The following KIRREL3 variants were observed in gnomAD, a reference collection of about 807,000 sequenced individuals.
KIRREL3 encodes the protein kin of IRRE-like protein 3.
A neutral mutation model predicts 89.7 loss-of-function variants in KIRREL3; 36 were observed. The ratio of observed to expected loss-of-function variants is 0.40; its 90% CI spans 0.31 to 0.53. KIRREL3 has a LOEUF of 0.53. Ranked by LOEUF, KIRREL3 falls within the 20% of genes least tolerant of loss-of-function variation. The pLI is 0.49. For synonymous variants in KIRREL3, 445 were observed against 441.4 expected, an observed-to-expected ratio of 1.01 and a Z score of -0.10; for missense variants, 864 against 1,056.6, an observed-to-expected ratio of 0.82 and a Z score of 2.53.
rs541484410 is a variant in KIRREL3 at position 126,814,073 on chromosome 11, C to G, written c.55+186382G>C. ...AACTTAAATTTACAAGAAAAAAAAA[C>G]CCGGTTAAAAAGTTGGCAAAGGACA... is the stretch of plus-strand genomic sequence containing the variant. On this transcript the variant is annotated intron_variant, in intron 1 of 16. Transcript: ENST00000525144. The surrounding 1 kb of genome is among the most constrained non-coding windows in gnomAD (Gnocchi z 4.4). 1.3e-4 allele frequency among the ~76,000 whole-genome samples: 20 copies of G among 151,546 alleles called. No homozygotes were observed. In the East Asian group the frequency reaches 3.7e-3, roughly 28 times the overall value.
chr11:126,434,382 G>A (rs1434242805), intron 13 of KIRREL3, among the ~76,000 whole-genome samples: 3 of 152,260 alleles, frequency 2.0e-5, no homozygotes, highest in Admixed American at 2.0e-4. Flanking sequence ...AGAAGGCAGC[G>A]GGAGGCTGGC....
In KIRREL3 at chr11:126,870,913, G is replaced by C. The variant is rs1309056591; in HGVS notation, c.55+129542C>G. On this transcript the variant is annotated intron_variant, in intron 1 of 16. Coordinates refer to ENST00000525144, the MANE Select transcript of KIRREL3 (RefSeq NM_032531.4). The surrounding 1 kb of genome is among the most constrained non-coding windows in gnomAD (Gnocchi z 4.4). ...ACAGAAATTTTCTGCCTACCTTACA[G>C]AAAGACTGGACCAAAACTGTTCTAC... Among the ~76,000 whole-genome samples, 1 of 152,048 alleles carries C rather than the reference G, an allele frequency of 6.6e-6. No homozygotes were observed. Among genetic ancestry groups the C allele is most frequent in the Non-Finnish European group, 1.5e-5 (1 of 68,016 alleles).
At chr11:126,714,174 G>T (rs1947868544) in intron 1 of KIRREL3, among the ~76,000 whole-genome samples, 1 of 152,156 alleles carries the variant, frequency 6.6e-6, no homozygotes, top group South Asian at 2.1e-4. Context: ...TTTGTACCTA[G>T]AGCACCTTAC....
At position 126,463,375 on chromosome 11, in the gene KIRREL3, G is replaced by C; in HGVS notation, c.592-68C>G. 6.7e-7 allele frequency: 1 copy of C among 1,498,854 alleles called. No homozygotes were observed. The highest frequency in any genetic ancestry group is 9.1e-7 in the Non-Finnish European group (1 of 1,097,946). 92.8% of individuals were successfully genotyped at this position (1,498,854 alleles called of 1,614,324 possible). On this transcript the variant is annotated intron_variant, in intron 5 of 16. Coordinates refer to ENST00000525144, the MANE Select transcript of KIRREL3 (RefSeq NM_032531.4). The surrounding 1 kb of genome is among the most constrained non-coding windows in gnomAD (Gnocchi z 5.9). Reference sequence around the variant, plus strand: ...GGCTGGGGTGGCCAGCCTGGGTTGGGGGTAAACGAGCACCAGCTTAGACAG... The same window carrying C: ...GGCTGGGGTGGCCAGCCTGGGTTGGCGGTAAACGAGCACCAGCTTAGACAG...
chr11:126,980,053 C>T (rs1006218255), intron 1 of KIRREL3, among the ~76,000 whole-genome samples: 2 of 152,078 alleles, frequency 1.3e-5, no homozygotes, highest in African/African-American at 2.4e-5. Flanking sequence ...CACATTATGT[C>T]GGCAGAGAAG....
chr11:126,703,972 C>T lies in KIRREL3; in HGVS notation c.56-141060G>A, dbSNP rs1489846770. The stretch of plus-strand genomic sequence containing the variant: ...AAGAAATGGAATTTCTGTCAGATTG[C>T]TTGAACTCACTCTCTGGAATCACTG... On this transcript the variant is annotated intron_variant, in intron 1 of 16. Coordinates refer to ENST00000525144, the MANE Select transcript of KIRREL3 (RefSeq NM_032531.4). The surrounding 1 kb of genome is among the most constrained non-coding windows in gnomAD (Gnocchi z 4.6). Among the ~76,000 whole-genome samples the T allele has an allele frequency of 6.6e-6, 1 of 152,168 alleles. No homozygotes were observed. The highest frequency in any genetic ancestry group is 1.5e-5 in the Non-Finnish European group (1 of 68,032).
intron 2 of KIRREL3, among the ~76,000 whole-genome samples, chr11:126,536,944 C>T (rs997541788): frequency 2.3e-4 from 35 of 152,138 alleles, no homozygotes; most frequent in Non-Finnish European, 4.3e-4. Context: ...TTGCACCCAA[C>T]CCCTGTGCAG....
In KIRREL3 at chr11:126,905,252, T is replaced by C. The variant is rs1376705129; in HGVS notation, c.55+95203A>G. Among the ~76,000 whole-genome samples the C allele has an allele frequency of 6.6e-6, 1 of 152,056 alleles. No individual in the cohort carries two copies. Among genetic ancestry groups the C allele is most frequent in the Non-Finnish European group, 1.5e-5 (1 of 68,022 alleles). On this transcript the variant is annotated intron_variant, in intron 1 of 16. Transcript: ENST00000525144. This position sits in a 1 kb window ranked among gnomAD's most constrained non-coding sequence, Gnocchi z 5.0. ...TCCATGGCAAGGGGAGGGTGGGTGA[T>C]ATTTTTTAGTGAAGGAGATGCTTCC...
chr11:126,700,604 C>A (rs1947275971), intron 1 of KIRREL3, among the ~76,000 whole-genome samples: 1 of 152,250 alleles, frequency 6.6e-6, no homozygotes, highest in African/African-American at 2.4e-5. Flanking sequence ...TTTGGCCGAT[C>A]CTCTGCCTCC....
At chr11:126,932,096 G>T (rs190404802) in intron 1 of KIRREL3, among the ~76,000 whole-genome samples, 4 of 152,244 alleles carry the variant, frequency 2.6e-5, no homozygotes, top group Non-Finnish European at 5.9e-5. Flanking sequence ...TGCATTCTTT[G>T]CCTCTGCCTG....
intron 1 of KIRREL3, among the ~76,000 whole-genome samples, chr11:126,966,391 T>C (rs1424408187): frequency 1.3e-5 from 2 of 152,166 alleles, no homozygotes; most frequent in Non-Finnish European, 2.9e-5. Context: ...CAAGCTGCTG[T>C]TCTGCAGAAA....
At position 126,484,918 on chromosome 11, in the gene KIRREL3, C is replaced by T. The variant is rs569643505; in HGVS notation, c.434-11452G>A. Among the ~76,000 whole-genome samples, 7 of 151,890 alleles carry T rather than the reference C, an allele frequency of 4.6e-5. 1 individual carries two copies. The South Asian group carries it at 6.2e-4, about 14-fold the overall frequency. On this transcript the variant is annotated intron_variant, in intron 4 of 16. Coordinates refer to ENST00000525144, the MANE Select transcript of KIRREL3 (RefSeq NM_032531.4). This position sits in a 1 kb window ranked among gnomAD's most constrained non-coding sequence, Gnocchi z 5.2. ...GCAGCCTCCGCCTCCCAGGTTCAAG[C>T]GATTCTCCTGCCTCAGCCTTTTAAA...
Position 126,678,387 on chromosome 11 carries a change from T to G in KIRREL3, c.56-115475A>C, listed in dbSNP as rs140790342. Among the ~76,000 whole-genome samples, 1,244 of 151,412 alleles carry G rather than the reference T, an allele frequency of 8.2e-3. 5 individuals carry two copies. Among genetic ancestry groups the G allele is most frequent in the Admixed American group, 0.013 (202 of 15,226 alleles). ...AGGCCGAGGCGGGCAGATCACGAGG[T>G]CAGGAGATTGAGACCACCCTGGCTA... On this transcript the variant is annotated intron_variant, in intron 1 of 16. Transcript: ENST00000525144.
At chr11:126,868,633 G>A (rs146418299) in intron 1 of KIRREL3, among the ~76,000 whole-genome samples, 296 of 152,188 alleles carry the variant, frequency 1.9e-3, no homozygotes, top group African/African-American at 6.3e-3. Flanking sequence ...CTATAAGCCC[G>A]GATTCTATCC....
chr11:126,450,998 T>C (rs111164552), intron 7 of KIRREL3, among the ~76,000 whole-genome samples: 8,561 of 150,164 alleles, frequency 0.057, 472 homozygotes, highest in Admixed American at 0.19. Flanking sequence ...TCAATGTGCA[T>C]GTGTGCACGT....
At chr11:126,464,996 C>T (rs1027716825) in intron 5 of KIRREL3, among the ~76,000 whole-genome samples, 1 of 152,174 alleles carries the variant, frequency 6.6e-6, no homozygotes, top group African/African-American at 2.4e-5. Context: ...CCTTCCCTCT[C>T]CTGTTCCTCT....
At chr11:126,425,943 G>A (rs945777226) in intron 15 of KIRREL3, among the ~76,000 whole-genome samples, 1 of 152,212 alleles carries the variant, frequency 6.6e-6, no homozygotes, top group Non-Finnish European at 1.5e-5. Context: ...GAGGTGAGGG[G>A]CAGTTAGGGG....
chr11:126,759,801 C>T (rs992377256), intron 1 of KIRREL3, among the ~76,000 whole-genome samples: 9 of 152,196 alleles, frequency 5.9e-5, no homozygotes, highest in African/African-American at 1.7e-4. Context: ...AATATAGTCT[C>T]TCAAAGTGAA....
At chr11:126,435,936 G>A (rs1376809425) in intron 12 of KIRREL3, among the ~76,000 whole-genome samples, 1 of 152,154 alleles carries the variant, frequency 6.6e-6, no homozygotes, top group African/African-American at 2.4e-5. Flanking sequence ...CCATGGCTTA[G>A]CCCCTGCTGG....
Sources: gnomAD v4.1 joint callset for allele counts (sites outside exome capture counted in the v4.1 genomes callset) on GRCh38, gnomAD v4.1.1 for gene constraint, Gnocchi (gnomAD v3.1) non-coding constraint, MANE v1.5 for transcripts, NCBI Gene and HGNC (gene_info 2026-07-23, HGNC 2026-07-21) for gene names.